The following FABP12 variants were observed in gnomAD, a reference collection of about 807,000 sequenced individuals.
FABP12 encodes fatty acid-binding protein 12.
A neutral mutation model predicts 13.7 loss-of-function variants in FABP12; 19 were observed. That is an observed-to-expected ratio of 1.39 (90% CI 0.97 to 2.04). The LOEUF is 2.04. FABP12 is among the 30% of genes most tolerant of loss of function. The pLI, the probability that FABP12 is intolerant of heterozygous loss-of-function variation, is 0.00. For synonymous variants in FABP12, 61 were observed against 57.0 expected (o/e 1.07, Z -0.32); for missense variants, 182 against 164.2 (o/e 1.11, Z -0.59).
chr8:81,553,624 G>A (rs115969827), intron 1 of FABP12, among the ~76,000 whole-genome samples: 1,822 of 152,170 alleles, frequency 0.012, 32 homozygotes, highest in African/African-American at 0.041. Flanking sequence ...ATTATTTGGC[G>A]GCAGAATGGA....
chr8:81,568,682 G>A (rs1585854761), intron 1 of FABP12, among the ~76,000 whole-genome samples: 1 of 152,164 alleles, frequency 6.6e-6, no homozygotes, highest in African/African-American at 2.4e-5. Context: ...ACACTCCCAT[G>A]TTTATTGCAG....
Position 81,529,502 on chromosome 8 carries a change from T to A in FABP12, c.182A>T (p.Asn61Ile), listed in dbSNP as rs745611767. 5 of 1,613,888 alleles carry A rather than the reference T, an allele frequency of 3.1e-6. No homozygotes were observed. In the African/African-American group the frequency reaches 5.3e-5, roughly 17 times the overall value. The stretch of plus-strand genomic sequence containing the variant: ...TTCTCCCAGCTTAAAGGAGATCTCA[T>A]TATTTTTAAAGATGCTTTTGGTTTT... The change falls in exon 3 of 5, where the codon AAT becomes ATT. Residue 61 changes from asparagine to isoleucine, a missense_variant. By Grantham distance (149) the Asn-to-Ile change is moderately radical (BLOSUM62 -3). Transcript: ENST00000360464.
At chr8:81,546,576 T>C (rs1163322095) in intron 1 of FABP12, among the ~76,000 whole-genome samples, 1 of 151,782 alleles carries the variant, frequency 6.6e-6, no homozygotes, top group East Asian at 1.9e-4. Context: ...GGCAGGAGAA[T>C]GGCGTCAACC....
intron 1 of FABP12, among the ~76,000 whole-genome samples, chr8:81,556,823 TACTC>T (rs750618432): frequency 3.4e-5 from 5 of 148,526 alleles, no homozygotes; most frequent in Admixed American, 6.7e-5. Context: ...GCCTAGAACT[TACTC>T]ACTCAAAAAA....
intron 1 of FABP12, among the ~76,000 whole-genome samples, chr8:81,564,674 C>G (rs1032890771): frequency 6.6e-6 from 1 of 151,706 alleles, no homozygotes; most frequent in Admixed American, 6.6e-5. Flanking sequence ...AACCTCAAAT[C>G]AAAAAATGTA....
intron 1 of FABP12, among the ~76,000 whole-genome samples, chr8:81,559,308 C>G (rs188448079): frequency 2.6e-5 from 4 of 152,166 alleles, no homozygotes; most frequent in Non-Finnish European, 5.9e-5. Context: ...TTTATGCCCC[C>G]CCGAGTTGTT....
intron 3 of FABP12, among the ~76,000 whole-genome samples, chr8:81,527,948 C>T (rs1808951402): frequency 6.6e-6 from 1 of 151,994 alleles, no homozygotes; most frequent in Non-Finnish European, 1.5e-5. Flanking sequence ...AACAGAGACC[C>T]TGTCTCAATA....
chr8:81,568,869 A>T (rs1809875069), intron 1 of FABP12, among the ~76,000 whole-genome samples: 2 of 152,184 alleles, frequency 1.3e-5, no homozygotes, highest in Admixed American at 1.3e-4. Context: ...AGAAAGACAA[A>T]TTTTGCATTT....
At chr8:81,586,332 A>G (rs544250704) in intron 1 of FABP12, among the ~76,000 whole-genome samples, 1 of 152,290 alleles carries the variant, frequency 6.6e-6, no homozygotes, top group South Asian at 2.1e-4. Context: ...ATGATAGAAC[A>G]ATTTATATTC....
chr8:81,553,465 G>A (rs1264943602), intron 1 of FABP12, among the ~76,000 whole-genome samples: 2 of 152,074 alleles, frequency 1.3e-5, no homozygotes, highest in African/African-American at 4.8e-5. Context: ...CACTTGATAT[G>A]GTAAAGTCAT....
At chr8:81,553,596 A>G (rs1312494217) in intron 1 of FABP12, among the ~76,000 whole-genome samples, 2 of 152,070 alleles carry the variant, frequency 1.3e-5, no homozygotes, top group East Asian at 1.9e-4. Context: ...TTACACAGGG[A>G]ATTTGTACTT....
At position 81,531,399 on chromosome 8, in the gene FABP12, T is replaced by C. The variant is rs1257296436; in HGVS notation, c.-75-9A>G. Reference sequence around the variant, plus strand: ...CTGAAGTAGTATGGGAACTTGTTTTTAATACAATTTTGGGTAGAGAATGAG... The same window carrying C: ...CTGAAGTAGTATGGGAACTTGTTTTCAATACAATTTTGGGTAGAGAATGAG... On this transcript the variant is annotated splice_polypyrimidine_tract_variant and intron_variant, in intron 1 of 4. Coordinates refer to ENST00000360464, the Ensembl canonical transcript of FABP12. 3.4e-6 allele frequency: 3 copies of C among 880,248 alleles called. No homozygotes were observed. In the African/African-American group the frequency reaches 5.2e-5, roughly 15 times the overall value. 54.5% of individuals were successfully genotyped at this position (880,248 alleles called of 1,614,324 possible). A position where few individuals can be genotyped will look rare whatever the true frequency, so the allele number is the denominator to read the frequency against.
At chr8:81,577,312 A>G (rs1810065657) in intron 1 of FABP12, among the ~76,000 whole-genome samples, 1 of 152,220 alleles carries the variant, frequency 6.6e-6, no homozygotes. Context: ...ATATGAAAGC[A>G]AAAAGATATT....
chr8:81,570,346 A>G (rs1809906382), intron 1 of FABP12, among the ~76,000 whole-genome samples: 1 of 152,216 alleles, frequency 6.6e-6, no homozygotes, highest in Non-Finnish European at 1.5e-5. Context: ...TTTAAGCCTC[A>G]CCATTTGGCA....
intron 1 of FABP12, among the ~76,000 whole-genome samples, chr8:81,586,237 C>T (rs1052761642): frequency 6.6e-6 from 1 of 151,434 alleles, no homozygotes; most frequent in African/African-American, 2.4e-5. Context: ...TTTATTCATC[C>T]GACTGTTGAT....
intron 1 of FABP12, among the ~76,000 whole-genome samples, chr8:81,567,281 A>G (rs992851645): frequency 6.6e-6 from 1 of 152,204 alleles, no homozygotes; most frequent in Non-Finnish European, 1.5e-5. Context: ...CAAAATACCA[A>G]CGATCTGCAC....
At chr8:81,567,550 T>C (rs1461351898) in intron 1 of FABP12, among the ~76,000 whole-genome samples, 2 of 152,114 alleles carry the variant, frequency 1.3e-5, no homozygotes, top group African/African-American at 4.8e-5. Flanking sequence ...AGAACATACA[T>C]TGGAGAAAAG....
chr8:81,580,163 C>T (rs1044271527), intron 1 of FABP12, among the ~76,000 whole-genome samples: 1 of 152,202 alleles, frequency 6.6e-6, no homozygotes, highest in Non-Finnish European at 1.5e-5. Flanking sequence ...CCTGCCAGGC[C>T]ACCTTTTAAA....
intron 2 of FABP12, among the ~76,000 whole-genome samples, chr8:81,539,154 T>C (rs1809288077): frequency 6.6e-6 from 1 of 152,196 alleles, no homozygotes; most frequent in Non-Finnish European, 1.5e-5. Flanking sequence ...TGGCTACCTT[T>C]ATGTTTTAAA....
Sources: allele counts gnomAD v4.1 joint callset (sites outside exome capture counted in the v4.1 genomes callset), GRCh38; gene constraint gnomAD v4.1.1; transcripts MANE v1.5; gene names NCBI Gene and HGNC (gene_info 2026-07-23, HGNC 2026-07-21).